EPHA7: variants seen among roughly 807,000 people sequenced by gnomAD.
The protein encoded by EPHA7 is ephrin type-A receptor 7.
EPHA7 carries 25 observed loss-of-function variants against 112.6 expected under a neutral mutation model. The observed-to-expected ratio is 0.22, with a 90% CI of 0.16 to 0.31. EPHA7 has a LOEUF of 0.31. EPHA7 is among the 10% of genes least tolerant of loss of function. The probability of loss-of-function intolerance (pLI) is 1.00; values close to 1 mark genes in which losing one functional copy is unlikely to be tolerated. For missense variants in EPHA7, 962 were observed against 1,212.6 expected (o/e 0.79, Z 3.07); for synonymous variants, 437 against 406.5 (o/e 1.07, Z -0.90).
intron 5 of EPHA7, among the ~76,000 whole-genome samples, chr6:93,273,597 C>T (rs1269374054): frequency 1.3e-5 from 2 of 151,896 alleles, no homozygotes; most frequent in Non-Finnish European, 2.9e-5. Context: ...ACTCTCATTT[C>T]CTCCCAGATT....
intron 3 of EPHA7, among the ~76,000 whole-genome samples, chr6:93,386,439 C>A (rs2127976439): frequency 6.6e-6 from 1 of 152,284 alleles, no homozygotes; most frequent in East Asian, 1.9e-4. Flanking sequence ...CTCTATGTCT[C>A]ACATTCAGGT....
At chr6:93,400,939 T>C (rs1180064158) in intron 3 of EPHA7, among the ~76,000 whole-genome samples, 1 of 152,152 alleles carries the variant, frequency 6.6e-6, no homozygotes, top group Non-Finnish European at 1.5e-5. Context: ...GTTAATATTG[T>C]ATCAGATTGA....
chr6:93,305,720 A>G (rs1471313726), intron 5 of EPHA7, among the ~76,000 whole-genome samples: 2 of 151,966 alleles, frequency 1.3e-5, no homozygotes, highest in African/African-American at 4.8e-5. Flanking sequence ...TAATTAATTT[A>G]TTTCATTACC....
Position 93,245,376 on chromosome 6 carries a change from A to T in EPHA7, c.2804T>A (p.Ile935Asn), listed in dbSNP as rs749890930. The change falls in exon 16 of 17, where the codon ATT (isoleucine) becomes AAT (asparagine). Residue 935 changes from isoleucine to asparagine, a missense_variant. Transcript: ENST00000369303. ...ATTATCTTTATATCTTTCCATCTTAATAGCTTGTAGCCATTCTCCAACTGA... is the reference window on the plus strand; with the variant it reads ...ATTATCTTTATATCTTTCCATCTTATTAGCTTGTAGCCATTCTCCAACTGA... ...FCSVGEWLQA[I>N]KMERYKDNFT... The T allele has an allele frequency of 3.7e-5, 60 of 1,613,670 alleles. 1 individual carries two copies. In the South Asian group the frequency reaches 6.5e-4, roughly 17 times the overall value.
chr6:93,335,198 C>T (rs1253028045), intron 5 of EPHA7, among the ~76,000 whole-genome samples: 4 of 151,990 alleles, frequency 2.6e-5, no homozygotes, highest in Admixed American at 1.3e-4. Flanking sequence ...ATGTATTTTA[C>T]GTCAATCTAG....
chr6:93,356,937 C>T lies in EPHA7; in HGVS notation c.1104G>A (p.Leu368=). 1 of 1,614,156 alleles carries T rather than the reference C, an allele frequency of 6.2e-7. No homozygotes were observed. The highest frequency in any genetic ancestry group is 1.3e-5 in the African/African-American group (1 of 75,048). The change falls in exon 5 of 17, where the codon TTG becomes TTA. Residue 368 remains leucine (L), a synonymous_variant. Coordinates refer to ENST00000369303, the MANE Select transcript of EPHA7 (RefSeq NM_004440.4). ...CCTGCTCCCAACTGCACCGCTTACACAATATTCTGTAGGTCACATCGTTTC... is the reference window on the plus strand; with the variant it reads ...CCTGCTCCCAACTGCACCGCTTACATAATATTCTGTAGGTCACATCGTTTC... ...GGRNDVTYRI[L]CKRCSWEQGE...
chr6:93,298,053 G>A (rs1772764506), intron 5 of EPHA7, among the ~76,000 whole-genome samples: 1 of 151,914 alleles, frequency 6.6e-6, no homozygotes, highest in Non-Finnish European at 1.5e-5. Context: ...CTGTGAAACA[G>A]ATATCTATGA....
chr6:93,391,040 C>T (rs886641477), intron 3 of EPHA7, among the ~76,000 whole-genome samples: 1 of 151,858 alleles, frequency 6.6e-6, no homozygotes, highest in Admixed American at 6.6e-5. Context: ...TATTACATTC[C>T]CATCAGTTTA....
At position 93,411,069 on chromosome 6, in the gene EPHA7, G is replaced by A. The variant is rs756003702; in HGVS notation, c.264C>T (p.Asn88=). Residue 88 remains asparagine (N), a synonymous_variant, in exon 3 of 17, where the codon AAC becomes AAT. Transcript: ENST00000369303. ...TTTGTGCATTGCCTTTGGAAATCCAGTTAGTCCGCAGCCAGTTGTTTTGGT... is the reference window on the plus strand; with the variant it reads ...TTTGTGCATTGCCTTTGGAAATCCAATTAGTCCGCAGCCAGTTGTTTTGGT... ...EPNQNNWLRT[N]WISKGNAQRI... The A allele has an allele frequency of 1.4e-5, 23 of 1,613,962 alleles. No homozygotes were observed. Among genetic ancestry groups the A allele is most frequent in the Non-Finnish European group, 1.9e-5 (22 of 1,179,984 alleles).
intron 3 of EPHA7, among the ~76,000 whole-genome samples, chr6:93,384,082 A>G (rs938243548): frequency 3.3e-5 from 5 of 152,204 alleles, no homozygotes; most frequent in Non-Finnish European, 4.4e-5. Context: ...ACACTCAAAA[A>G]TATTAAAATT....
chr6:93,393,074 T>A (rs1337565116), intron 3 of EPHA7, among the ~76,000 whole-genome samples: 1 of 151,910 alleles, frequency 6.6e-6, no homozygotes, highest in South Asian at 2.1e-4. Flanking sequence ...GTAATTGCAA[T>A]CAACTTTGAA....
At chr6:93,418,654 C>T (rs887184893) in intron 1 of EPHA7, among the ~76,000 whole-genome samples, 6 of 152,210 alleles carry the variant, frequency 3.9e-5, no homozygotes, top group Non-Finnish European at 8.8e-5. Flanking sequence ...CGTTATTGTT[C>T]CGTGCTGGCG....
At chr6:93,316,537 T>C (rs933379542) in intron 5 of EPHA7, among the ~76,000 whole-genome samples, 3 of 152,150 alleles carry the variant, frequency 2.0e-5, no homozygotes, top group African/African-American at 7.2e-5. Flanking sequence ...ACTATTTCTG[T>C]GAAAACATCT....
chr6:93,247,236 T>C (rs983278054), intron 14 of EPHA7, among the ~76,000 whole-genome samples: 10 of 152,156 alleles, frequency 6.6e-5, no homozygotes, highest in Admixed American at 6.5e-5. Flanking sequence ...CAGGGTACAA[T>C]AGATGGAAAT....
chr6:93,371,399 A>T (rs1429125026), intron 3 of EPHA7, among the ~76,000 whole-genome samples: 1 of 152,188 alleles, frequency 6.6e-6, no homozygotes, highest in Non-Finnish European at 1.5e-5. Flanking sequence ...ATAGAAAAGG[A>T]TGTGTATAGT....
intron 5 of EPHA7, among the ~76,000 whole-genome samples, chr6:93,337,525 C>A (rs1013036534): frequency 6.6e-6 from 1 of 152,054 alleles, no homozygotes; most frequent in African/African-American, 2.4e-5. Context: ...GAAAGAAAAT[C>A]TATTTTCAAA....
intron 5 of EPHA7, among the ~76,000 whole-genome samples, chr6:93,283,338 A>G (rs2127901382): frequency 6.6e-6 from 1 of 152,242 alleles, no homozygotes; most frequent in Non-Finnish European, 1.5e-5. Flanking sequence ...AAACAGACCA[A>G]TCAGCAGGAT....
chr6:93,387,066 T>C (rs1777643225), intron 3 of EPHA7, among the ~76,000 whole-genome samples: 1 of 152,200 alleles, frequency 6.6e-6, no homozygotes, highest in South Asian at 2.1e-4. Flanking sequence ...TTATTACTTA[T>C]GCAAATTTCT....
At chr6:93,278,859 T>C (rs1042475233) in intron 5 of EPHA7, among the ~76,000 whole-genome samples, 1 of 152,020 alleles carries the variant, frequency 6.6e-6, no homozygotes, top group African/African-American at 2.4e-5. Flanking sequence ...TTCTAGGCTC[T>C]GACACTTCCT....
Sources: allele counts gnomAD v4.1 joint callset (sites outside exome capture counted in the v4.1 genomes callset), GRCh38; gene constraint gnomAD v4.1.1; transcripts MANE v1.5; gene names NCBI Gene and HGNC (gene_info 2026-07-23, HGNC 2026-07-21).